The following TET2 variants were observed in gnomAD, a reference collection of about 807,000 sequenced individuals.
TET2 encodes the protein tet methylcytosine dioxygenase 2, also known as methylcytosine dioxygenase TET2.
TET2 carries 299 observed loss-of-function variants against 142.9 expected under a neutral mutation model. The observed-to-expected ratio is 2.09, with a 90% CI of 1.90 to 2.30. TET2 has a LOEUF of 2.30. Ranked by LOEUF, TET2 falls within the 30% of genes most tolerant of loss-of-function variation. The pLI, the probability that TET2 is intolerant of heterozygous loss-of-function variation, is 0.00. For missense variants in TET2, 2,418 were observed against 2,378.0 expected, an observed-to-expected ratio of 1.02 and a Z score of -0.35; for synonymous variants, 819 against 849.0, an observed-to-expected ratio of 0.96 and a Z score of 0.61.
At chr4:105,206,028 C>G (rs1456307538) in intron 2 of TET2, among the ~76,000 whole-genome samples, 1 of 152,178 alleles carries the variant, frequency 6.6e-6, no homozygotes, top group Non-Finnish European at 1.5e-5. Context: ...ATGCCCACCC[C>G]ACAACCCACA....
At chr4:105,259,563 T>C in intron 6 of TET2, 56 bp from the exon 7 acceptor site, 5 of 1,503,964 alleles carry the variant, frequency 3.3e-6, no homozygotes, top group Non-Finnish European at 4.5e-6. Context: ...TAATATCAGC[T>C]GCACAGCCTA....
chr4:105,256,189 A>G (rs1453073542), intron 6 of TET2, among the ~76,000 whole-genome samples: 1 of 152,158 alleles, frequency 6.6e-6, no homozygotes, highest in Non-Finnish European at 1.5e-5. Flanking sequence ...ATATTTACCT[A>G]TGTAATTATC....
At chr4:105,224,684 G>C (rs1192099445) in intron 2 of TET2, among the ~76,000 whole-genome samples, 20 of 108,104 alleles carry the variant, frequency 1.9e-4, no homozygotes, top group African/African-American at 2.1e-4. Context: ...ATATCAGCCA[G>C]TCTCTCTCTC....
At chr4:105,265,301 C>T (rs116734556) in intron 8 of TET2, among the ~76,000 whole-genome samples, 2 of 152,266 alleles carry the variant, frequency 1.3e-5, no homozygotes, top group Non-Finnish European at 2.9e-5. Context: ...TAAAAATTAA[C>T]ACAAACAGCC....
At chr4:105,178,169 A>G (rs537236834) in intron 1 of TET2, 1 of 152,330 alleles carries the variant, frequency 6.6e-6, no homozygotes, top group South Asian at 2.1e-4. Context: ...ACAGCTTTAC[A>G]TAATTGCCAA....
At position 105,242,479 on chromosome 4, in the gene TET2, T is replaced by G. The variant is rs759619371; in HGVS notation, c.3501-355T>G. The stretch of plus-strand genomic sequence containing the variant: ...ATGACTCCCCAAGTTTTAAAATAGC[T>G]AAATTTAGTAAGGGAAAAAATAGTT... On this transcript the variant is annotated intron_variant, in intron 4 of 10. Transcript: ENST00000380013. The G allele has an allele frequency of 3.1e-5, 34 of 1,105,024 alleles. No homozygotes were observed. The Admixed American group carries it at 1.1e-3, about 37-fold the overall frequency. 68.5% of individuals were successfully genotyped at this position (1,105,024 alleles called of 1,614,324 possible). A position where few individuals can be genotyped will look rare whatever the true frequency, so the allele number is the denominator to read the frequency against.
intron 2 of TET2, among the ~76,000 whole-genome samples, chr4:105,193,268 C>G (rs1725892325): frequency 6.6e-6 from 1 of 152,008 alleles, no homozygotes; most frequent in Admixed American, 6.6e-5. Flanking sequence ...GAATGTTGGC[C>G]TTTAGGGCAG....
intron 8 of TET2, among the ~76,000 whole-genome samples, chr4:105,265,630 T>G (rs1290333622): frequency 6.6e-6 from 1 of 152,196 alleles, no homozygotes; most frequent in African/African-American, 2.4e-5. Context: ...CAAATACATA[T>G]ATGAATCCAA....
At position 105,259,616 on chromosome 4, in the gene TET2, CAGG is replaced by C; in HGVS notation, c.3804_3806del (p.Arg1269del). On this transcript the variant is annotated splice_acceptor_variant and coding_sequence_variant, in exon 7 of 11. Transcript: ENST00000380013. LOFTEE classifies it high-confidence loss of function. ...CAATGAATTTGGTCTTTTGATTTTTCAGGAGAACTTGCGCCTGTCAGGGGCTGG... is the reference window on the plus strand; with the variant it reads ...CAATGAATTTGGTCTTTTGATTTTTCAGAACTTGCGCCTGTCAGGGGCTGG... 6.5e-7 allele frequency: 1 copy of C among 1,550,080 alleles called. No homozygotes were observed. Among genetic ancestry groups the C allele is most frequent in the Non-Finnish European group, 8.7e-7 (1 of 1,146,056 alleles).
chr4:105,179,363 A>C (rs1369649996), intron 1 of TET2, among the ~76,000 whole-genome samples: 8 of 152,180 alleles, frequency 5.3e-5, no homozygotes, highest in Admixed American at 5.2e-4. Context: ...GAATCAACAC[A>C]AATCTTTCAT....
chr4:105,196,873 A>G (rs936842244), intron 2 of TET2, among the ~76,000 whole-genome samples: 13 of 152,144 alleles, frequency 8.5e-5, no homozygotes, highest in Non-Finnish European at 1.6e-4. Flanking sequence ...TACAATTTAA[A>G]AGAAGAGGTT....
At chr4:105,155,339 G>A (rs997736894) in intron 1 of TET2, among the ~76,000 whole-genome samples, 1 of 152,230 alleles carries the variant, frequency 6.6e-6, no homozygotes, top group East Asian at 1.9e-4. Context: ...AAAGGAAATT[G>A]CTTTGCAGCA....
chr4:105,239,477 G>C (rs1345960916), intron 3 of TET2: 2 of 239,782 alleles, frequency 8.3e-6, no homozygotes, highest in Non-Finnish European at 1.8e-5. Flanking sequence ...GTCCTTTTAT[G>C]TTATAGAGAC....
chr4:105,236,303 T>TG lies in TET2; in HGVS notation c.2362dup (p.Glu788GlyfsTer14). 1 of 1,614,070 alleles carries TG rather than the reference T, an allele frequency of 6.2e-7. No homozygotes were observed. Among genetic ancestry groups the TG allele is most frequent in the East Asian group, 2.2e-5 (1 of 44,848 alleles). ...CTAAAGTGGAAGAATGTTTTCATGG[T>TG]GAAAATCAGTATTCAAAATCAAGCG... On this transcript the variant is annotated frameshift_variant, in exon 3 of 11. Transcript: ENST00000380013. LOFTEE classifies it high-confidence loss of function.
At chr4:105,180,480 T>C (rs970122095) in intron 1 of TET2, among the ~76,000 whole-genome samples, 1 of 152,092 alleles carries the variant, frequency 6.6e-6, no homozygotes, top group African/African-American at 2.4e-5. Flanking sequence ...GTTTTATCTT[T>C]TTTTGTTTTA....
At chr4:105,197,135 T>G (rs1726141117) in intron 2 of TET2, among the ~76,000 whole-genome samples, 1 of 152,218 alleles carries the variant, frequency 6.6e-6, no homozygotes, top group Non-Finnish European at 1.5e-5. Flanking sequence ...TTTTTTTCAC[T>G]AAAGTATCCT....
At position 105,278,950 on chromosome 4, in the gene TET2, G is replaced by A. The variant is rs185650750; in HGVS notation, c.*2431G>A. ...CAACAGATTGTACAATTACATTTTGGCCTAAATACATTTTTGCTTACTAGT... is the reference window on the plus strand; with the variant it reads ...CAACAGATTGTACAATTACATTTTGACCTAAATACATTTTTGCTTACTAGT... On this transcript the variant is annotated 3_prime_UTR_variant, in exon 11 of 11. Coordinates refer to ENST00000380013, the MANE Select transcript of TET2 (RefSeq NM_001127208.3). 172 of 232,754 alleles carry A rather than the reference G, an allele frequency of 7.4e-4. No individual in the cohort carries two copies. Among genetic ancestry groups the A allele is most frequent in the African/African-American group, 3.7e-3 (166 of 45,404 alleles). The allele number at this position is 232,754 out of a possible 1,614,324, so 14.4% of individuals were successfully genotyped here.
intron 1 of TET2, chr4:105,172,295 A>T (rs1192645339): frequency 3.9e-5 from 6 of 152,218 alleles, no homozygotes; most frequent in African/African-American, 1.4e-4. Context: ...CTGATAACAC[A>T]CACAGTTGAC....
rs536205206 is a variant in TET2 at position 105,191,775 on chromosome 4, C to T, written c.-47+1270C>T. On this transcript the variant is annotated intron_variant, in intron 2 of 10. Coordinates refer to ENST00000380013, the MANE Select transcript of TET2 (RefSeq NM_001127208.3). Reference sequence around the variant, plus strand: ...TGCCATTTTCAAGACACAGGGCAAGCGCATCTGTCTAGATTACCTCTCTAC... The same window carrying T: ...TGCCATTTTCAAGACACAGGGCAAGTGCATCTGTCTAGATTACCTCTCTAC... Among the ~76,000 whole-genome samples, 17 of 152,068 alleles carry T rather than the reference C, an allele frequency of 1.1e-4. No individual in the cohort carries two copies. The South Asian group carries it at 1.7e-3, about 15-fold the overall frequency.
Sources: allele counts gnomAD v4.1 joint callset (sites outside exome capture counted in the v4.1 genomes callset), GRCh38; gene constraint gnomAD v4.1.1; transcripts MANE v1.5; gene names NCBI Gene and HGNC (gene_info 2026-07-23, HGNC 2026-07-21).